SERGEF: variants seen among roughly 807,000 people sequenced by gnomAD.
SERGEF encodes secretion-regulating guanine nucleotide exchange factor.
A neutral mutation model predicts 50.0 loss-of-function variants in SERGEF; 51 were observed. The ratio of observed to expected loss-of-function variants is 1.02; its 90% CI spans 0.81 to 1.29. The LOEUF (loss-of-function observed/expected upper bound fraction) is 1.29, where lower values mean the gene tolerates loss of function less well. Ranked by LOEUF, SERGEF falls within the 50% of genes most tolerant of loss-of-function variation. The pLI, the probability that SERGEF is intolerant of heterozygous loss-of-function variation, is 0.00. For missense variants in SERGEF, 521 were observed against 557.0 expected (o/e 0.94, Z 0.65); for synonymous variants, 205 against 212.4 (o/e 0.97, Z 0.30).
intron 10 of SERGEF, among the ~76,000 whole-genome samples, chr11:17,794,721 A>G (rs1849545131): frequency 6.6e-6 from 1 of 152,220 alleles, no homozygotes; most frequent in East Asian, 1.9e-4. Context: ...CTGTGCAAGG[A>G]AACAAGAGGC....
intron 10 of SERGEF, among the ~76,000 whole-genome samples, chr11:17,810,697 T>C (rs980670064): frequency 3.3e-5 from 5 of 152,042 alleles, no homozygotes; most frequent in African/African-American, 1.2e-4. Flanking sequence ...TATCCTCCAC[T>C]GTGCTTAGCA....
intron 9 of SERGEF, among the ~76,000 whole-genome samples, chr11:17,897,446 T>C (rs1453772231): frequency 6.6e-6 from 1 of 152,224 alleles, no homozygotes; most frequent in Non-Finnish European, 1.5e-5. Context: ...TTTAAGCCAC[T>C]AAGTTTGTGG....
At chr11:17,805,686 T>G (rs1264999089) in intron 10 of SERGEF, among the ~76,000 whole-genome samples, 1 of 152,186 alleles carries the variant, frequency 6.6e-6, no homozygotes, top group Non-Finnish European at 1.5e-5. Flanking sequence ...CTACAGACCC[T>G]AAAAGCTTCA....
intron 9 of SERGEF, among the ~76,000 whole-genome samples, chr11:17,958,193 A>T (rs1329747332): frequency 6.6e-6 from 1 of 152,182 alleles, no homozygotes; most frequent in Non-Finnish European, 1.5e-5. Flanking sequence ...CGTCCTACAT[A>T]CCCGGAAGGA....
intron 9 of SERGEF, among the ~76,000 whole-genome samples, chr11:17,920,088 A>C (rs1191920521): frequency 6.6e-6 from 1 of 151,678 alleles, no homozygotes; most frequent in Non-Finnish European, 1.5e-5. Flanking sequence ...TCTACTAAAA[A>C]TATAAAAAAT....
chr11:17,809,518 G>A (rs192594922), intron 10 of SERGEF, among the ~76,000 whole-genome samples: 3 of 152,252 alleles, frequency 2.0e-5, no homozygotes, highest in African/African-American at 7.2e-5. Context: ...TCACATTTAG[G>A]ATGCACTCAC....
chr11:17,981,777 A>ATAAGTGT (rs1206671204), intron 8 of SERGEF, among the ~76,000 whole-genome samples: 1 of 152,114 alleles, frequency 6.6e-6, no homozygotes, highest in Non-Finnish European at 1.5e-5. Flanking sequence ...TCAGGTAAGA[A>ATAAGTGT]TAAGTGTTTT....
At chr11:17,876,340 A>G (rs761482188) in intron 10 of SERGEF, among the ~76,000 whole-genome samples, 5 of 152,146 alleles carry the variant, frequency 3.3e-5, no homozygotes, top group Non-Finnish European at 5.9e-5. Context: ...TGGCCTCCAC[A>G]CAGGTAACAC....
chr11:17,824,301 A>T (rs1267951504), intron 10 of SERGEF, among the ~76,000 whole-genome samples: 1 of 3,224 alleles, frequency 3.1e-4, no homozygotes, highest in Admixed American at 5.4e-3. Context: ...ACACCGTCTC[A>T]AAAAAAAAAA....
chr11:17,902,172 A>G (rs1851759160), intron 9 of SERGEF, among the ~76,000 whole-genome samples: 1 of 140,130 alleles, frequency 7.1e-6, no homozygotes, highest in South Asian at 2.4e-4. Context: ...ATGAGTAAAC[A>G]TGCAGCAGAC....
At chr11:17,877,158 C>T (rs1851251305) in intron 10 of SERGEF, among the ~76,000 whole-genome samples, 1 of 152,200 alleles carries the variant, frequency 6.6e-6, no homozygotes, top group Non-Finnish European at 1.5e-5. Flanking sequence ...GAGGAAAACA[C>T]AAGGGCCTGG....
At chr11:17,896,577 GA>G (rs1555008917) in intron 9 of SERGEF, among the ~76,000 whole-genome samples, 1 of 45,804 alleles carries the variant, frequency 2.2e-5, no homozygotes, top group Non-Finnish European at 4.3e-5. Context: ...AAGGGGAAGG[GA>G]AGGGAAGGGG....
At chr11:17,896,818 GGGAAGGGTAAC>G (rs1456855221) in intron 9 of SERGEF, among the ~76,000 whole-genome samples, 2,337 of 97,790 alleles carry the variant, frequency 0.024, 299 homozygotes, top group African/African-American at 0.03. Context: ...GGAAGGGTAA[GGGAAGGGTAAC>G]GGAAGGGTAA....
intron 8 of SERGEF, among the ~76,000 whole-genome samples, chr11:17,975,496 G>A (rs189047054): frequency 6.6e-6 from 1 of 152,206 alleles, no homozygotes; most frequent in East Asian, 1.9e-4. Context: ...GCTCACAATA[G>A]CTTCCCAGAA....
chr11:17,946,247 G>T (rs1273421853), intron 9 of SERGEF, among the ~76,000 whole-genome samples: 1 of 152,252 alleles, frequency 6.6e-6, no homozygotes, highest in South Asian at 2.1e-4. Flanking sequence ...GGTTTTACTA[G>T]CAACTTTGTC....
intron 9 of SERGEF, among the ~76,000 whole-genome samples, chr11:17,901,679 C>T (rs1851751408): frequency 6.6e-6 from 1 of 152,216 alleles, no homozygotes; most frequent in African/African-American, 2.4e-5. Context: ...AATCCAACTT[C>T]TCCATGAAGT....
At chr11:17,997,670 C>T (rs372356012) in intron 5 of SERGEF, among the ~76,000 whole-genome samples, 3 of 152,172 alleles carry the variant, frequency 2.0e-5, no homozygotes, top group Admixed American at 6.5e-5. Context: ...CGTGATATAT[C>T]CATACAATGG....
In SERGEF at chr11:17,884,599, C is replaced by A. The variant is rs1203890702; in HGVS notation, c.1012-6355G>T. Among the ~76,000 whole-genome samples, 1 of 152,092 alleles carries A rather than the reference C, an allele frequency of 6.6e-6. No individual in the cohort carries two copies. The highest frequency in any genetic ancestry group is 2.4e-5 in the African/African-American group (1 of 41,414). ...CCTCTAAGCTCAGAAATGGTCCCAA[C>A]TGGGGAAGGCCATGGCGACACCAGA... On this transcript the variant is annotated intron_variant, in intron 9 of 10. Transcript: ENST00000265965. The surrounding 1 kb of genome is among the most constrained non-coding windows in gnomAD (Gnocchi z 4.6).
At chr11:17,802,518 T>C (rs1240639644) in intron 10 of SERGEF, among the ~76,000 whole-genome samples, 1 of 152,088 alleles carries the variant, frequency 6.6e-6, no homozygotes, top group Non-Finnish European at 1.5e-5. Context: ...CAGAAGAAAA[T>C]ACCAAGTCTG....
Sources: gnomAD v4.1 joint callset for allele counts (sites outside exome capture counted in the v4.1 genomes callset) on GRCh38, gnomAD v4.1.1 for gene constraint, Gnocchi (gnomAD v3.1) non-coding constraint, MANE v1.5 for transcripts, NCBI Gene and HGNC (gene_info 2026-07-23, HGNC 2026-07-21) for gene names.